The following CLRN2 variants were observed in gnomAD, a reference collection of about 807,000 sequenced individuals.
CLRN2 encodes clarin 2, also known as clarin-2.
In CLRN2, 17 loss-of-function variants were observed where a neutral mutation model predicts 20.1. The ratio of observed to expected loss-of-function variants is 0.85; its 90% CI spans 0.58 to 1.27. The LOEUF (loss-of-function observed/expected upper bound fraction) is 1.27. CLRN2 is among the 50% of genes most tolerant of loss of function. The probability of loss-of-function intolerance (pLI) is 0.00; values close to 1 mark genes in which losing one functional copy is unlikely to be tolerated. For synonymous variants in CLRN2, 140 were observed against 126.9 expected (o/e 1.10, Z -0.70); for missense variants, 288 against 299.5 (o/e 0.96, Z 0.28).
At position 17,518,476 on chromosome 4, in the gene CLRN2, T is replaced by A. The variant is rs114664822; in HGVS notation, c.253+2957T>A. 1.9e-3 allele frequency among the ~76,000 whole-genome samples: 293 copies of A among 152,278 alleles called. 4 individuals carry two copies. The highest frequency in any genetic ancestry group is 6.4e-3 in the African/African-American group (267 of 41,564). On this transcript the variant is annotated intron_variant, in intron 1 of 2. Coordinates refer to ENST00000511148, the MANE Select transcript of CLRN2 (RefSeq NM_001079827.2). ...GTACTTGCCCTAGAAAAGCTTAACATCTGGCCGGGTACAGTGGCTCACGCC... is the reference window on the plus strand; with the variant it reads ...GTACTTGCCCTAGAAAAGCTTAACAACTGGCCGGGTACAGTGGCTCACGCC...
chr4:17,521,443 T>G (rs1360954128), intron 1 of CLRN2, among the ~76,000 whole-genome samples: 1 of 152,334 alleles, frequency 6.6e-6, no homozygotes, highest in East Asian at 1.9e-4. Context: ...AGCAGGAACC[T>G]TGGAGCAATT....
intron 1 of CLRN2, 24 bp from the exon 2 acceptor site, chr4:17,522,840 A>G (rs1711865533): frequency 1.2e-6 from 2 of 1,605,818 alleles, no homozygotes; most frequent in African/African-American, 1.3e-5. Context: ...ACATTGAAAT[A>G]GTGGCTGTGT....
At chr4:17,516,140 G>A (rs1165970049) in intron 1 of CLRN2, among the ~76,000 whole-genome samples, 1 of 152,198 alleles carries the variant, frequency 6.6e-6, no homozygotes, top group Non-Finnish European at 1.5e-5. Flanking sequence ...AGACTACCCT[G>A]GCTGAAACCC....
intron 2 of CLRN2, 93 bp downstream of exon 2, chr4:17,523,136 G>A: frequency 9.3e-7 from 1 of 1,074,176 alleles, no homozygotes; most frequent in Admixed American, 2.7e-5. Context: ...GAACTAAAAT[G>A]CCCCACTGGA....
Position 17,515,557 on chromosome 4 carries a change from CT to C in CLRN2, c.253+39del, listed in dbSNP as rs780907330. ...GGAGCATGAAAGCTGATTCTAGGCA[CT>C]CATTTTTGTTAATGTGTAAGAGTGC... On this transcript the variant is annotated intron_variant, in intron 1 of 2. Transcript: ENST00000511148. 9 of 1,602,536 alleles carry C rather than the reference CT, an allele frequency of 5.6e-6. No individual in the cohort carries two copies. The Admixed American group carries it at 1.3e-4, about 24-fold the overall frequency.
chr4:17,524,116 T>C (rs2597788), intron 2 of CLRN2, among the ~76,000 whole-genome samples: 2 of 151,918 alleles, frequency 1.3e-5, no homozygotes, highest in African/African-American at 4.8e-5. Flanking sequence ...AACCTAGGTG[T>C]AACTGATTCT....
chr4:17,526,578 T>C (rs1711982019), intron 2 of CLRN2, among the ~76,000 whole-genome samples: 1 of 152,032 alleles, frequency 6.6e-6, no homozygotes, highest in Non-Finnish European at 1.5e-5. Flanking sequence ...CAAACAAAAA[T>C]AATTGGAGGG....
At chr4:17,522,102 G>A (rs1711849263) in intron 1 of CLRN2, among the ~76,000 whole-genome samples, 1 of 152,294 alleles carries the variant, frequency 6.6e-6, no homozygotes, top group South Asian at 2.1e-4. Context: ...GTGGGTATAA[G>A]GAGTTTATAA....
chr4:17,523,879 C>G (rs1577202014), intron 2 of CLRN2, among the ~76,000 whole-genome samples: 2 of 150,376 alleles, frequency 1.3e-5, no homozygotes, highest in East Asian at 3.9e-4. Context: ...TCTCCCTCCT[C>G]TCACCTCCCC....
intron 1 of CLRN2, among the ~76,000 whole-genome samples, chr4:17,517,297 C>T (rs7661303): frequency 0.28 from 42,681 of 152,058 alleles, 6,613 homozygotes; most frequent in African/African-American, 0.41. Flanking sequence ...AGAACAACCT[C>T]ATCCTGTGCT....
At chr4:17,522,680 C>T (rs1244728936) in intron 1 of CLRN2, among the ~76,000 whole-genome samples, 184 bp from the exon 2 acceptor site, 1 of 152,190 alleles carries the variant, frequency 6.6e-6, no homozygotes, top group South Asian at 2.1e-4. Flanking sequence ...TGTTGGTCAA[C>T]TGACAAGCAT....
intron 1 of CLRN2, among the ~76,000 whole-genome samples, chr4:17,519,827 T>TA (rs550610640): frequency 1.5e-4 from 23 of 152,150 alleles, no homozygotes; most frequent in Non-Finnish European, 2.9e-4. Context: ...ACTGGTGCAT[T>TA]AACACTCCTG....
chr4:17,515,350 G>A lies in CLRN2; in HGVS notation c.84G>A (p.Leu28=). Residue 28 remains leucine (L), a synonymous_variant, in exon 1 of 3, where the codon CTG becomes CTA. Transcript: ENST00000511148. ...FSSFILIIVA[L]VVPHWLSGKI... ...CCTTCATCCTGATCATCGTTGCCCTGGTAGTGCCCCACTGGCTGAGTGGGA... is the reference window on the plus strand; with the variant it reads ...CCTTCATCCTGATCATCGTTGCCCTAGTAGTGCCCCACTGGCTGAGTGGGA... 6.2e-7 allele frequency: 1 copy of A among 1,614,016 alleles called. No homozygotes were observed. The highest frequency in any genetic ancestry group is 8.5e-7 in the Non-Finnish European group (1 of 1,179,898).
Position 17,526,722 on chromosome 4 carries a change from C to T in CLRN2, c.434-95C>T, listed in dbSNP as rs1711985933. The T allele has an allele frequency of 2.7e-6, 4 of 1,486,236 alleles. No homozygotes were observed. The Admixed American group carries it at 7.7e-5, about 28-fold the overall frequency. The allele number at this position is 1,486,236 out of a possible 1,614,324, so 92.1% of individuals were successfully genotyped here. A position where few individuals can be genotyped will look rare whatever the true frequency, so the allele number is the denominator to read the frequency against. ...TATGTCTTCCTCATAATTTTGTTAACCCAAAGCAAGTTTGTCACACGTGGC... is the reference window on the plus strand; with the variant it reads ...TATGTCTTCCTCATAATTTTGTTAATCCAAAGCAAGTTTGTCACACGTGGC... On this transcript the variant is annotated intron_variant, in intron 2 of 2. Transcript: ENST00000511148.
At chr4:17,518,437 A>T (rs776601218) in intron 1 of CLRN2, among the ~76,000 whole-genome samples, 1 of 152,350 alleles carries the variant, frequency 6.6e-6, no homozygotes, top group Admixed American at 6.5e-5. Flanking sequence ...AACAGGGATG[A>T]ACAAACCAGA....
rs1711631861 is a variant in CLRN2, at chr4:17,515,374, G to A, written c.108G>A (p.Gly36=). Residue 36 remains glycine (G), a synonymous_variant, in exon 1 of 3, where the codon GGG becomes GGA. Coordinates refer to ENST00000511148, the MANE Select transcript of CLRN2 (RefSeq NM_001079827.2). ...TGGTAGTGCCCCACTGGCTGAGTGG[G>A]AAAATCCTTTGTCAGACTGGAGTGG... ...VALVVPHWLS[G]KILCQTGVDL... The A allele has an allele frequency of 1.2e-6, 2 of 1,613,872 alleles. No homozygotes were observed. Among genetic ancestry groups the A allele is most frequent in the African/African-American group, 1.3e-5 (1 of 74,912 alleles).
chr4:17,521,901 G>A lies in CLRN2; in HGVS notation c.254-963G>A, dbSNP rs548514425. ...GGTTTTCAAGGAACTCAGAAGATGC[G>A]TGTGACCCCCTAGTCAGTAAATGGC... On this transcript the variant is annotated intron_variant, in intron 1 of 2. Coordinates refer to ENST00000511148, the MANE Select transcript of CLRN2 (RefSeq NM_001079827.2). 3.9e-5 allele frequency among the ~76,000 whole-genome samples: 6 copies of A among 152,286 alleles called. No homozygotes were observed. The South Asian group carries it at 1.0e-3, about 26-fold the overall frequency.
chr4:17,525,383 C>A (rs1211570974), intron 2 of CLRN2, among the ~76,000 whole-genome samples: 1 of 152,112 alleles, frequency 6.6e-6, no homozygotes, highest in Non-Finnish European at 1.5e-5. Flanking sequence ...CGCCTGTAAT[C>A]CCAGCACTTG....
intron 1 of CLRN2, among the ~76,000 whole-genome samples, chr4:17,520,546 A>T (rs1711814394): frequency 6.6e-6 from 1 of 152,224 alleles, no homozygotes; most frequent in Non-Finnish European, 1.5e-5. Flanking sequence ...ACATGAATTA[A>T]TATTTCTATG....
Sources: gnomAD v4.1 joint callset for allele counts (sites outside exome capture counted in the v4.1 genomes callset) on GRCh38, gnomAD v4.1.1 for gene constraint, MANE v1.5 for transcripts, NCBI Gene and HGNC (gene_info 2026-07-23, HGNC 2026-07-21) for gene names.